ASB3: variants seen among roughly 807,000 people sequenced by gnomAD.
ASB3 encodes the protein ankyrin repeat and SOCS box containing 3.
ASB3 carries 41 observed loss-of-function variants against 54.5 expected under a neutral mutation model. The observed-to-expected ratio is 0.75, with a 90% confidence interval of 0.59 to 0.98. The LOEUF (loss-of-function observed/expected upper bound fraction) is 0.98. Ranked by LOEUF, ASB3 falls within the 50% of genes least tolerant of loss-of-function variation. The pLI is 0.00. For synonymous variants in ASB3, 266 were observed against 221.2 expected (o/e 1.20, Z -1.80); for missense variants, 733 against 620.0 (o/e 1.18, Z -1.94).
chr2:53,698,877 C>T (rs1399581756), intron 8 of ASB3, among the ~76,000 whole-genome samples: 1 of 152,182 alleles, frequency 6.6e-6, no homozygotes, highest in African/African-American at 2.4e-5. Flanking sequence ...GACTGTTCTT[C>T]CAAACTTTAC....
chr2:53,721,123 T>TATAAATAAATAA (rs35978677), intron 5 of ASB3, among the ~76,000 whole-genome samples: 11 of 141,452 alleles, frequency 7.8e-5, no homozygotes, highest in South Asian at 2.3e-4. Context: ...TCTCCAGAAA[T>TATAAATAAATAA]ATAAATAAAT....
intron 2 of ASB3, among the ~76,000 whole-genome samples, chr2:53,754,859 C>T (rs1672727131): frequency 6.6e-6 from 1 of 152,216 alleles, no homozygotes; most frequent in African/African-American, 2.4e-5. Flanking sequence ...TCACCACCCA[C>T]TATAAATTAG....
At chr2:53,670,777 C>G in intron 9 of ASB3, 87 bp from the exon 10 acceptor site, 1 of 1,418,444 alleles carries the variant, frequency 7.0e-7, no homozygotes. Flanking sequence ...TCCCCCAACT[C>G]TTAGTAATAA....
chr2:53,752,973 CAT>C (rs767684073), intron 2 of ASB3, among the ~76,000 whole-genome samples: 2 of 151,716 alleles, frequency 1.3e-5, no homozygotes, highest in Non-Finnish European at 2.9e-5. Context: ...AAAAAAAAGA[CAT>C]AAAGTTTAAT....
intron 1 of ASB3, among the ~76,000 whole-genome samples, chr2:53,768,656 A>C (rs969048268): frequency 6.6e-6 from 1 of 152,244 alleles, no homozygotes; most frequent in Non-Finnish European, 1.5e-5. Flanking sequence ...CATAGTACCA[A>C]ACTCATTACT....
intron 1 of ASB3, among the ~76,000 whole-genome samples, chr2:53,776,518 C>G (rs1674346218): frequency 6.6e-6 from 1 of 151,994 alleles, no homozygotes; most frequent in African/African-American, 2.4e-5. Context: ...TTTCTAAAAC[C>G]TTGAATTTGG....
At chr2:53,748,783 G>T (rs1672364329) in intron 3 of ASB3, among the ~76,000 whole-genome samples, 1 of 152,096 alleles carries the variant, frequency 6.6e-6, no homozygotes, top group African/African-American at 2.4e-5. Flanking sequence ...AATATAACAA[G>T]TGATCTTGGA....
chr2:53,777,792 G>C (rs1378889247), intron 1 of ASB3, among the ~76,000 whole-genome samples: 1 of 152,250 alleles, frequency 6.6e-6, no homozygotes, highest in East Asian at 1.9e-4. Flanking sequence ...ATGTGTTTGT[G>C]CCTTTTTATT....
chr2:53,741,933 T>G (rs1441094492), intron 3 of ASB3, among the ~76,000 whole-genome samples: 1 of 152,140 alleles, frequency 6.6e-6, no homozygotes, highest in East Asian at 1.9e-4. Context: ...CCTGGGTACT[T>G]GTGGGAGAAA....
rs964931876 is a variant in ASB3, at chr2:53,700,450, C to T, written c.1059G>A (p.Leu353=). The change falls in exon 8 of 10, where the codon CTG becomes CTA. Residue 353 remains leucine, a synonymous_variant. Transcript: ENST00000263634. ...QINELHLAYC[L]KYEKFSIFRY... is the part of the protein sequence containing the mutation. ...GAAATATCGAAAACTTCTCGTACTT[C>T]AGGCAGTATGCCAAATGAAGTTCAT... 6.2e-6 allele frequency: 10 copies of T among 1,614,120 alleles called. No homozygotes were observed. Among genetic ancestry groups the T allele is most frequent in the Non-Finnish European group, 8.5e-6 (10 of 1,179,998 alleles).
At chr2:53,751,195 A>G (rs1232326147) in intron 2 of ASB3, among the ~76,000 whole-genome samples, 1 of 152,188 alleles carries the variant, frequency 6.6e-6, no homozygotes, top group African/African-American at 2.4e-5. Flanking sequence ...TTTTTGGTGA[A>G]TAAGGGAAGA....
chr2:53,769,673 C>G (rs905818710), intron 1 of ASB3, among the ~76,000 whole-genome samples: 11 of 152,174 alleles, frequency 7.2e-5, no homozygotes, highest in Non-Finnish European at 1.3e-4. Context: ...ATGGAGAAAC[C>G]CCCTGTCTAC....
intron 2 of ASB3, among the ~76,000 whole-genome samples, chr2:53,753,414 A>T (rs910119107): frequency 6.6e-6 from 1 of 152,218 alleles, no homozygotes; most frequent in East Asian, 1.9e-4. Flanking sequence ...GAAAGAGGGA[A>T]GGCTAGAATG....
At position 53,729,580 on chromosome 2, in the gene ASB3, A is replaced by G; in HGVS notation, c.356-10T>C. On this transcript the variant is annotated splice_polypyrimidine_tract_variant and intron_variant, in intron 3 of 9. Coordinates refer to ENST00000263634, the MANE Select transcript of ASB3 (RefSeq NM_016115.5). Reference sequence around the variant, plus strand: ...TGTCCATTTTCAACAGCTGTAATACAGCAGTTAGAAAAATTAATGTCAGCA... The same window carrying G: ...TGTCCATTTTCAACAGCTGTAATACGGCAGTTAGAAAAATTAATGTCAGCA... The G allele has an allele frequency of 6.2e-7, 1 of 1,612,396 alleles. No individual in the cohort carries two copies. The highest frequency in any genetic ancestry group is 1.1e-5 in the South Asian group (1 of 90,860).
At chr2:53,713,698 A>G (rs969219619) in intron 7 of ASB3, among the ~76,000 whole-genome samples, 8 of 152,188 alleles carry the variant, frequency 5.3e-5, no homozygotes, top group Admixed American at 2.0e-4. Flanking sequence ...GAACTGCTTG[A>G]GCCCAGGAGT....
At chr2:53,690,135 C>G (rs1442223740) in intron 9 of ASB3, among the ~76,000 whole-genome samples, 1 of 152,008 alleles carries the variant, frequency 6.6e-6, no homozygotes, top group East Asian at 1.9e-4. Flanking sequence ...ACTCGGGAGG[C>G]TGAGGTGGGA....
intron 5 of ASB3, among the ~76,000 whole-genome samples, chr2:53,725,107 T>C (rs1053880299): frequency 1.4e-4 from 22 of 152,068 alleles, no homozygotes; most frequent in Non-Finnish European, 2.6e-4. Flanking sequence ...TACGCAGCCA[T>C]AGAAAAGAAT....
At chr2:53,740,502 A>T (rs192661438) in intron 3 of ASB3, among the ~76,000 whole-genome samples, 1 of 152,328 alleles carries the variant, frequency 6.6e-6, no homozygotes, top group East Asian at 1.9e-4. Context: ...AGGCAGCAGA[A>T]CAATTATTAA....
intron 9 of ASB3, among the ~76,000 whole-genome samples, chr2:53,690,938 G>A (rs970575618): frequency 9.9e-5 from 15 of 152,096 alleles, no homozygotes; most frequent in African/African-American, 1.7e-4. Flanking sequence ...GGTTCAGGAC[G>A]AACTAAAGCC....
Sources: gnomAD v4.1 joint callset for allele counts (sites outside exome capture counted in the v4.1 genomes callset) on GRCh38, gnomAD v4.1.1 for gene constraint, MANE v1.5 for transcripts, NCBI Gene and HGNC (gene_info 2026-07-23, HGNC 2026-07-21) for gene names.